The following HGD variants were observed in gnomAD, a reference collection of about 807,000 sequenced individuals.
HGD encodes the protein homogentisate 1,2-dioxygenase.
Under a neutral mutation model 60.8 loss-of-function variants are expected in HGD, and 61 were observed. The ratio of observed to expected loss-of-function variants is 1.00; its 90% CI spans 0.82 to 1.24. HGD has a LOEUF of 1.24. HGD is among the 50% of genes most tolerant of loss of function. HGD has a pLI of 0.00. For missense variants in HGD, 542 were observed against 547.1 expected, an observed-to-expected ratio of 0.99 and a Z score of 0.09; for synonymous variants, 212 against 187.7, an observed-to-expected ratio of 1.13 and a Z score of -1.06.
intron 4 of HGD, chr3:120,670,150 G>C: frequency 2.2e-6 from 1 of 460,994 alleles, no homozygotes; most frequent in Non-Finnish European, 4.0e-6. Context: ...CGCCATGATT[G>C]TAAGTTTCTT....
rs566523221 is a variant in HGD, at chr3:120,649,144, T to C, written c.435-1233A>G. ...ATTGTCTTTTTCTTCTTTTTCTTTT[T>C]TTTTTTTTTTTTTTTTGAGATGGAG... On this transcript the variant is annotated intron_variant, in intron 6 of 13. Coordinates refer to ENST00000283871, the MANE Select transcript of HGD (RefSeq NM_000187.4). Among the ~76,000 whole-genome samples, 1,007 of 137,094 alleles carry C rather than the reference T, an allele frequency of 7.3e-3. 11 individuals carry two copies. Among genetic ancestry groups the C allele is most frequent in the African/African-American group, 0.025 (942 of 38,412 alleles). The allele number at this position is 137,094 out of a possible 152,430, so 89.9% of individuals were successfully genotyped here.
chr3:120,681,660 T>C (rs1199595618), intron 1 of HGD, among the ~76,000 whole-genome samples: 1 of 152,220 alleles, frequency 6.6e-6, no homozygotes, highest in Non-Finnish European at 1.5e-5. Flanking sequence ...GAGGAGGTGC[T>C]TCTTCTGGCC....
At chr3:120,639,855 G>A (rs141973956) in intron 11 of HGD, among the ~76,000 whole-genome samples, 5 of 151,880 alleles carry the variant, frequency 3.3e-5, no homozygotes, top group South Asian at 2.1e-4. Context: ...GTTGAGGGAC[G>A]AAATTATACT....
rs1463231459 is a variant in HGD, at chr3:120,647,807, T to C, written c.469+70A>G. 7 of 1,189,126 alleles carry C rather than the reference T, an allele frequency of 5.9e-6. No individual in the cohort carries two copies. The African/African-American group carries it at 7.5e-5, about 13-fold the overall frequency. The allele number at this position is 1,189,126 out of a possible 1,614,324, so 73.7% of individuals were successfully genotyped here. ...GGAGAATGAAGGAAAATAATGTGTA[T>C]AAAATTAGAAAGCAGCTTGCGGTTA... On this transcript the variant is annotated intron_variant, in intron 7 of 13. Transcript: ENST00000283871.
intron 4 of HGD, among the ~76,000 whole-genome samples, chr3:120,666,666 G>A (rs911267874): frequency 6.6e-6 from 1 of 151,986 alleles, no homozygotes. Context: ...ATTTTTAGTA[G>A]AGATGGTGTT....
At chr3:120,628,553 G>A in intron 13 of HGD, 24 bp from the exon 14 acceptor site, 1 of 1,612,214 alleles carries the variant, frequency 6.2e-7, no homozygotes, top group Non-Finnish European at 8.5e-7. Flanking sequence ...CGATGGGGAT[G>A]AGAAAAAAGA....
intron 4 of HGD, among the ~76,000 whole-genome samples, chr3:120,654,771 T>C (rs965125461): frequency 1.3e-5 from 2 of 152,186 alleles, no homozygotes; most frequent in African/African-American, 2.4e-5. Flanking sequence ...ATCTGCCTGA[T>C]GTTAAAATAC....
chr3:120,663,518 G>A (rs112879202), intron 4 of HGD, among the ~76,000 whole-genome samples: 17,109 of 152,086 alleles, frequency 0.11, 1,170 homozygotes, highest in Middle Eastern at 0.17. Flanking sequence ...CGTAACACGT[G>A]GGAATTCAAG....
intron 10 of HGD, among the ~76,000 whole-genome samples, chr3:120,642,230 G>A (rs1355604818): frequency 6.6e-6 from 1 of 152,182 alleles, no homozygotes; most frequent in Non-Finnish European, 1.5e-5. Context: ...GTCCTGTCCT[G>A]GGGTAGAAGA....
intron 3 of HGD, among the ~76,000 whole-genome samples, chr3:120,670,813 C>T (rs1014927741): frequency 6.6e-6 from 1 of 152,070 alleles, no homozygotes; most frequent in African/African-American, 2.4e-5. Flanking sequence ...ATTGTCTTTT[C>T]TAAAAACTAT....
chr3:120,662,573 A>G (rs1296282332), intron 4 of HGD, among the ~76,000 whole-genome samples: 1 of 152,196 alleles, frequency 6.6e-6, no homozygotes, highest in African/African-American at 2.4e-5. Flanking sequence ...ACTCTTATGT[A>G]TACTCAGGCA....
rs551155838 is a variant in HGD, at chr3:120,675,666, G to T, written c.87+126C>A. On this transcript the variant is annotated intron_variant, in intron 2 of 13. Coordinates refer to ENST00000283871, the MANE Select transcript of HGD (RefSeq NM_000187.4). ...TGTATCTTCATTGCCCCTATGACTT[G>T]GGAAACCTCTAGACAGTTCACAGGC... 9.3e-6 allele frequency: 7 copies of T among 751,152 alleles called. No homozygotes were observed. In the African/African-American group the frequency reaches 1.2e-4, roughly 13 times the overall value. The allele number at this position is 751,152 out of a possible 1,614,324, so 46.5% of individuals were successfully genotyped here.
intron 5 of HGD, 70 bp downstream of exon 5, chr3:120,652,522 G>A (rs1054095): frequency 0.26 from 302,834 of 1,160,698 alleles, 44,658 homozygotes; most frequent in East Asian, 0.61. Context: ...CATTCAGGCT[G>A]CAAATGGTTG....
intron 3 of HGD, 140 bp downstream of exon 3, chr3:120,674,761 G>C: frequency 1.4e-6 from 1 of 692,464 alleles, no homozygotes; most frequent in Non-Finnish European, 2.7e-6. Context: ...ATTCTCTTCT[G>C]ACCATGACCC....
At chr3:120,643,197 C>T (rs913801818) in intron 10 of HGD, among the ~76,000 whole-genome samples, 7 of 152,092 alleles carry the variant, frequency 4.6e-5, no homozygotes, top group African/African-American at 7.2e-5. Context: ...GATCTTGGCT[C>T]GCTGCAACCT....
chr3:120,664,427 T>C (rs1481295957), intron 4 of HGD, among the ~76,000 whole-genome samples: 1 of 15,176 alleles, frequency 6.6e-5, no homozygotes, highest in Non-Finnish European at 3.5e-4. Context: ...TTTTTCTTCC[T>C]TTTTTTTTTT....
At chr3:120,631,052 G>A (rs1940578834) in intron 13 of HGD, among the ~76,000 whole-genome samples, 1 of 151,692 alleles carries the variant, frequency 6.6e-6, no homozygotes, top group Admixed American at 6.6e-5. Context: ...CACAAAGAGG[G>A]GAGCAACAGA....
chr3:120,652,749 C>T, intron 4 of HGD, 98 bp from the exon 5 acceptor site: 3 of 796,100 alleles, frequency 3.8e-6, no homozygotes, highest in Non-Finnish European at 6.4e-6. Flanking sequence ...GAAAGGACAG[C>T]TACCCCCTCT....
At position 120,638,594 on chromosome 3, in the gene HGD, A is replaced by G. The variant is rs1340180431; in HGVS notation, c.880-13T>C. 1.2e-6 allele frequency: 2 copies of G among 1,613,734 alleles called. No individual in the cohort carries two copies. Among genetic ancestry groups the G allele is most frequent in the Middle Eastern group, 1.7e-4 (1 of 5,938 alleles). ...AAATGGATGGGTCCTGTGAACACAC[A>G]AGGAGAGACTGAACGCATGATGCAA... On this transcript the variant is annotated splice_polypyrimidine_tract_variant and intron_variant, in intron 11 of 13. Transcript: ENST00000283871.
Sources: gnomAD v4.1 joint callset for allele counts (sites outside exome capture counted in the v4.1 genomes callset) on GRCh38, gnomAD v4.1.1 for gene constraint, MANE v1.5 for transcripts, NCBI Gene and HGNC (gene_info 2026-07-23, HGNC 2026-07-21) for gene names.